Variants in ITPRID1 observed in about 807,000 individuals in gnomAD.
ITPRID1 encodes the protein ITPR interacting domain containing 1.
In ITPRID1, 96 loss-of-function variants were observed where a neutral mutation model predicts 95.4. The observed-to-expected ratio is 1.01, with a 90% CI of 0.85 to 1.19. The LOEUF (loss-of-function observed/expected upper bound fraction) is 1.19. Ranked by LOEUF, ITPRID1 falls within the 50% of genes most tolerant of loss-of-function variation. The pLI, the probability that ITPRID1 is intolerant of heterozygous loss-of-function variation, is 0.00. For missense variants in ITPRID1, 1,339 were observed against 1,252.9 expected (o/e 1.07, Z -1.04); for synonymous variants, 510 against 453.6 (o/e 1.12, Z -1.58).
intron 8 of ITPRID1, among the ~76,000 whole-genome samples, chr7:31,576,844 G>C (rs1583521120): frequency 6.6e-6 from 1 of 152,102 alleles, no homozygotes; most frequent in South Asian, 2.1e-4. Flanking sequence ...ATTAAGAGGA[G>C]GCTGGGTAAT....
intron 10 of ITPRID1, among the ~76,000 whole-genome samples, chr7:31,618,328 G>C (rs909319447): frequency 6.7e-6 from 1 of 148,156 alleles, no homozygotes; most frequent in African/African-American, 2.5e-5. Flanking sequence ...TCCAAAGGGG[G>C]CAAATTCACA....
Position 31,569,795 on chromosome 7 carries a change from G to C in ITPRID1, c.294G>C (p.Val98=). Residue 98 remains valine (V), a synonymous_variant, in exon 6 of 15, where the codon GTG becomes GTC. Coordinates refer to ENST00000615280, the MANE Select transcript of ITPRID1 (RefSeq NM_001257967.3). ...AACAAGGGATGGTTCAAATGACTGTGAAAGACTACATGAGGTAGGTAGCAG... is the reference window on the plus strand; with the variant it reads ...AACAAGGGATGGTTCAAATGACTGTCAAAGACTACATGAGGTAGGTAGCAG... ...LYEQGMVQMT[V]KDYMRSLHQF... The C allele has an allele frequency of 6.3e-7, 1 of 1,586,672 alleles. No individual in the cohort carries two copies.
intron 3 of ITPRID1, 92 bp downstream of exon 3, chr7:31,553,279 C>A (rs781199190): frequency 1.7e-4 from 207 of 1,246,910 alleles, no homozygotes; most frequent in Non-Finnish European, 2.2e-4. Context: ...GATTTTGGAA[C>A]AAAAGTATTT....
chr7:31,599,690 CTCTT>C (rs1554290644), intron 10 of ITPRID1, among the ~76,000 whole-genome samples: 6,923 of 106,226 alleles, frequency 0.065, 533 homozygotes, highest in Middle Eastern at 0.091. Context: ...CTCTCTCTCT[CTCTT>C]TCTTTCTTTC....
intron 1 of ITPRID1, 66 bp from the exon 2 acceptor site, chr7:31,549,360 A>G (rs1320796255): frequency 1.7e-6 from 2 of 1,187,780 alleles, no homozygotes; most frequent in Non-Finnish European, 2.2e-6. Flanking sequence ...ACAAACTAAC[A>G]GGGTCAAGTT....
In ITPRID1 at chr7:31,642,784, T is replaced by A. The variant is rs1184310009; in HGVS notation, c.1414T>A (p.Ser472Thr). 5.6e-6 allele frequency: 9 copies of A among 1,613,474 alleles called. No individual in the cohort carries two copies. Among genetic ancestry groups the A allele is most frequent in the Non-Finnish European group, 7.6e-6 (9 of 1,179,828 alleles). Residue 472 changes from serine (S) to threonine (T), a missense_variant, in exon 12 of 15, where the codon TCG becomes ACG. Coordinates refer to ENST00000615280, the MANE Select transcript of ITPRID1 (RefSeq NM_001257967.3). ...LVSSQDCQLE[S>T]DGPDSKSRAS... ...ATCATCCCAGGACTGTCAGCTAGAG[T>A]CGGATGGGCCAGATTCCAAAAGTAG...
Position 31,656,028 on chromosome 7 carries a change from TCTCACCAGTAA to T in ITPRID1, c.*3200_*3210del. 1.0e-6 allele frequency: 1 copy of T among 984,508 alleles called. No homozygotes were observed. The highest frequency in any genetic ancestry group is 1.2e-6 in the Non-Finnish European group (1 of 829,062). 61.0% of individuals were successfully genotyped at this position (984,508 alleles called of 1,614,324 possible). On this transcript the variant is annotated 3_prime_UTR_variant, in exon 15 of 15. Transcript: ENST00000615280. ...CTCCTTTGCTGAAACAAATGAAGTATCTCACCAGTAAGTCCTAGGGCAGACCCCATCTCCTA... is the reference window on the plus strand; with the variant it reads ...CTCCTTTGCTGAAACAAATGAAGTATGTCCTAGGGCAGACCCCATCTCCTA...
intron 10 of ITPRID1, among the ~76,000 whole-genome samples, chr7:31,589,258 A>G (rs1363564290): frequency 6.6e-6 from 1 of 152,136 alleles, no homozygotes. Context: ...ATATCTATAG[A>G]CGTTATCCAA....
chr7:31,656,528 A>G, downstream of ITPRID1: 3 of 880,732 alleles, frequency 3.4e-6, no homozygotes, highest in Non-Finnish European at 3.9e-6. Flanking sequence ...TCTGTTGAAA[A>G]GAACTGTTAG....
At chr7:31,591,731 GA>G (rs1305486791) in intron 10 of ITPRID1, among the ~76,000 whole-genome samples, 1 of 152,138 alleles carries the variant, frequency 6.6e-6, no homozygotes, top group Non-Finnish European at 1.5e-5. Flanking sequence ...ATCCCATATG[GA>G]AAGGGTTAAA....
chr7:31,611,202 T>G (rs1344551602), intron 10 of ITPRID1, among the ~76,000 whole-genome samples: 2 of 151,758 alleles, frequency 1.3e-5, no homozygotes, highest in Non-Finnish European at 3.0e-5. Context: ...ACCAACAATT[T>G]CAATAGCATG....
chr7:31,527,960 C>T (rs1783476013), intron 1 of ITPRID1, among the ~76,000 whole-genome samples: 1 of 152,068 alleles, frequency 6.6e-6, no homozygotes, highest in South Asian at 2.1e-4. Flanking sequence ...TTATGAATCA[C>T]CCATTGTTTC....
At chr7:31,573,277 T>C (rs993121323) in intron 7 of ITPRID1, among the ~76,000 whole-genome samples, 3 of 152,336 alleles carry the variant, frequency 2.0e-5, no homozygotes, top group South Asian at 4.1e-4. Context: ...ATTGGCTCGA[T>C]TGAATATTTC....
At chr7:31,575,890 T>TG (rs1174534969) in intron 8 of ITPRID1, among the ~76,000 whole-genome samples, 1 of 151,682 alleles carries the variant, frequency 6.6e-6, no homozygotes, top group Non-Finnish European at 1.5e-5. Flanking sequence ...ATGATATTTT[T>TG]TTTTTAAAAA....
intron 5 of ITPRID1, among the ~76,000 whole-genome samples, chr7:31,569,526 A>G (rs1176410746): frequency 2.0e-5 from 3 of 152,194 alleles, no homozygotes; most frequent in African/African-American, 4.8e-5. Context: ...TGAATACTCC[A>G]TTTAGCACTG....
chr7:31,536,597 T>A (rs1227074210), intron 1 of ITPRID1, among the ~76,000 whole-genome samples: 2 of 152,190 alleles, frequency 1.3e-5, no homozygotes, highest in African/African-American at 4.8e-5. Context: ...GAAGTAAATA[T>A]TTTTATGATC....
At position 31,554,986 on chromosome 7, in the gene ITPRID1, AG is replaced by A. The variant is rs1784402065; in HGVS notation, c.256+86del. 3.0e-6 allele frequency: 3 copies of A among 1,014,356 alleles called. No individual in the cohort carries two copies. In the East Asian group the frequency reaches 7.9e-5, roughly 27 times the overall value. 62.8% of individuals were successfully genotyped at this position (1,014,356 alleles called of 1,614,324 possible). A position where few individuals can be genotyped will look rare whatever the true frequency, so the allele number is the denominator to read the frequency against. On this transcript the variant is annotated intron_variant, in intron 5 of 14. Transcript: ENST00000615280. The stretch of plus-strand genomic sequence containing the variant: ...TACGTGAATAAATCTTCTTAAAATG[AG>A]CATTATCAGAGGCTTCTAGAAATGA...
Position 31,538,262 on chromosome 7 carries a change from G to GCA in ITPRID1, c.-97-11150_-97-11149dup, listed in dbSNP as rs374840092. Among the ~76,000 whole-genome samples, 1,306 of 150,846 alleles carry GCA rather than the reference G, an allele frequency of 8.7e-3. 8 individuals carry two copies. Among genetic ancestry groups the GCA allele is most frequent in the African/African-American group, 0.02 (817 of 41,240 alleles). On this transcript the variant is annotated intron_variant, in intron 1 of 14. Transcript: ENST00000615280. ...TCTACACACACACACACGTGCGCAT[G>GCA]CACACACACACACACTATGTATGTA...
At chr7:31,531,085 G>GGAGC (rs1783583411) in intron 1 of ITPRID1, among the ~76,000 whole-genome samples, 1 of 152,216 alleles carries the variant, frequency 6.6e-6, no homozygotes, top group African/African-American at 2.4e-5. Context: ...GACTTTAGAG[G>GGAGC]GAGCCCAAAT....
Sources: allele counts gnomAD v4.1 joint callset (sites outside exome capture counted in the v4.1 genomes callset), GRCh38; gene constraint gnomAD v4.1.1; transcripts MANE v1.5; gene names NCBI Gene and HGNC (gene_info 2026-07-23, HGNC 2026-07-21).